The following SAMMSON variants were observed in gnomAD, a reference collection of about 807,000 sequenced individuals.
SAMMSON encodes survival associated mitochondrial melanoma specific oncogenic non-coding RNA.
At chr3:70,360,495 T>C (rs1393195361) in intron 9 of SAMMSON, among the ~76,000 whole-genome samples, 1 of 152,166 alleles carries the variant, frequency 6.6e-6, no homozygotes, top group Non-Finnish European at 1.5e-5. Context: ...AACGAGATTA[T>C]AGAAACTTCC....
At chr3:70,378,587 A>G (rs909791767) in intron 9 of SAMMSON, among the ~76,000 whole-genome samples, 1 of 152,168 alleles carries the variant, frequency 6.6e-6, no homozygotes, top group African/African-American at 2.4e-5. Flanking sequence ...AAACTATAGA[A>G]TTCTATTTTA....
At position 70,272,708 on chromosome 3, in the gene SAMMSON, A is replaced by G. The variant is rs550820452; in HGVS notation, n.675-18471A>G. ...CAATTTGAATTTTGATTTTAGATAG[A>G]GTACATTGCATTGCTGGAATGTACA... On this transcript the variant is annotated intron_variant and non_coding_transcript_variant, in intron 6 of 9. Transcript: ENST00000642114. Among the ~76,000 whole-genome samples the G allele has an allele frequency of 7.9e-5, 12 of 152,350 alleles. No homozygotes were observed. In the South Asian group the frequency reaches 2.5e-3, roughly 32 times the overall value.
At chr3:70,181,744 A>G (rs1701054808) in intron 4 of SAMMSON, among the ~76,000 whole-genome samples, 1 of 152,240 alleles carries the variant, frequency 6.6e-6, no homozygotes, top group African/African-American at 2.4e-5. Context: ...CATGATCTGT[A>G]TCACATCATC....
intron 2 of SAMMSON, among the ~76,000 whole-genome samples, chr3:70,423,487 G>A (rs554906096): frequency 9.2e-5 from 14 of 152,194 alleles, no homozygotes; most frequent in Middle Eastern, 3.4e-3. Flanking sequence ...ACCTAATAGC[G>A]TCTGCGTTTC....
intron 3 of SAMMSON, among the ~76,000 whole-genome samples, chr3:70,038,674 T>G (rs1455155260): frequency 6.6e-6 from 1 of 152,146 alleles, no homozygotes; most frequent in Non-Finnish European, 1.5e-5. Context: ...GCTGTAAAAT[T>G]GTGATGGAAA....
chr3:70,076,912 A>G (rs989998009), intron 4 of SAMMSON, among the ~76,000 whole-genome samples: 1 of 152,214 alleles, frequency 6.6e-6, no homozygotes, highest in African/African-American at 2.4e-5. Context: ...GAAAAAAATT[A>G]TACATTTTAC....
At chr3:70,002,924 G>A (rs1165431150) in intron 1 of SAMMSON, among the ~76,000 whole-genome samples, 2 of 152,070 alleles carry the variant, frequency 1.3e-5, no homozygotes, top group African/African-American at 4.8e-5. Context: ...TGTTCAGTTG[G>A]CCTGATAGTA....
chr3:70,395,331 C>CTTTTTTTTTTTTTTTTTTTT (rs71126501), intron 2 of SAMMSON, among the ~76,000 whole-genome samples: 2 of 113,680 alleles, frequency 1.8e-5, no homozygotes, highest in Non-Finnish European at 3.4e-5. Flanking sequence ...CTCTCTCTCT[C>CTTTTTTTTTTTTTTTTTTTT]TTTTTTTTTT....
At chr3:70,068,592 A>G (rs2067218681) in intron 3 of SAMMSON, 1 of 152,118 alleles carries the variant, frequency 6.6e-6, no homozygotes, top group African/African-American at 2.4e-5. Flanking sequence ...AAGAAATTAT[A>G]TTCTTTGACT....
intron 4 of SAMMSON, among the ~76,000 whole-genome samples, chr3:70,216,302 T>C (rs1701411925): frequency 6.6e-6 from 1 of 150,416 alleles, no homozygotes; most frequent in Non-Finnish European, 1.5e-5. Context: ...TGATTAATAC[T>C]ACATATTCTA....
chr3:70,397,578 A>C (rs894471032), intron 2 of SAMMSON, among the ~76,000 whole-genome samples: 21 of 152,278 alleles, frequency 1.4e-4, no homozygotes, highest in Admixed American at 1.0e-3. Context: ...TTTCGGATTA[A>C]CAATATGTGT....
At chr3:70,297,236 T>C (rs1045002874) in intron 7 of SAMMSON, among the ~76,000 whole-genome samples, 7 of 152,132 alleles carry the variant, frequency 4.6e-5, no homozygotes, top group Non-Finnish European at 1.0e-4. Context: ...AATTAGTTAT[T>C]GTAAAATGAG....
chr3:70,350,272 C>T (rs892695680), intron 7 of SAMMSON, among the ~76,000 whole-genome samples: 6 of 152,136 alleles, frequency 3.9e-5, no homozygotes, highest in East Asian at 1.9e-4. Context: ...ACCAAAGCTA[C>T]GTTTTCTGGC....
At chr3:70,153,264 T>A (rs1025784101) in intron 4 of SAMMSON, among the ~76,000 whole-genome samples, 1 of 151,946 alleles carries the variant, frequency 6.6e-6, no homozygotes, top group Non-Finnish European at 1.5e-5. Flanking sequence ...CTAATATGGT[T>A]GCACTGACAG....
intron 2 of SAMMSON, among the ~76,000 whole-genome samples, chr3:70,397,151 ATGACT>A (rs1345686948): frequency 1.3e-5 from 2 of 152,220 alleles, no homozygotes; most frequent in Non-Finnish European, 2.9e-5. Context: ...CTAAAAGATC[ATGACT>A]ATTATAAAAT....
chr3:70,231,223 A>C (rs1401224035), intron 4 of SAMMSON, among the ~76,000 whole-genome samples: 1 of 152,252 alleles, frequency 6.6e-6, no homozygotes, highest in Non-Finnish European at 1.5e-5. Flanking sequence ...AGTGGCAAAC[A>C]GCTAGCCATG....
intron 3 of SAMMSON, among the ~76,000 whole-genome samples, chr3:70,071,112 G>GA (rs916407036): frequency 2.0e-5 from 3 of 151,172 alleles, no homozygotes; most frequent in South Asian, 4.2e-4. Context: ...TTAGAACAGG[G>GA]AAAAAAAAGG....
intron 4 of SAMMSON, among the ~76,000 whole-genome samples, chr3:70,227,621 A>G (rs1421685980): frequency 6.6e-6 from 1 of 152,230 alleles, no homozygotes; most frequent in East Asian, 1.9e-4. Flanking sequence ...GGTTTTTGCC[A>G]TTGAAACCGC....
chr3:70,365,660 G>T (rs1702914398), intron 9 of SAMMSON, among the ~76,000 whole-genome samples: 1 of 151,712 alleles, frequency 6.6e-6, no homozygotes, highest in African/African-American at 2.4e-5. Flanking sequence ...ATCAACTAGA[G>T]TTCTGCAGTT....
Sources: allele counts gnomAD v4.1 joint callset (sites outside exome capture counted in the v4.1 genomes callset), GRCh38; gene constraint gnomAD v4.1.1; transcripts MANE v1.5; gene names NCBI Gene and HGNC (gene_info 2026-07-23, HGNC 2026-07-21).